The following CCDC158 variants were observed in gnomAD, a reference collection of about 807,000 sequenced individuals.
The protein encoded by CCDC158 is coiled-coil domain containing 158, also known as coiled-coil domain-containing protein 158.
Under a neutral mutation model 138.6 loss-of-function variants are expected in CCDC158, and 116 were observed. That is an observed-to-expected ratio of 0.84 (90% CI 0.72 to 0.98). The LOEUF is 0.98. Ranked by LOEUF, CCDC158 falls within the 50% of genes least tolerant of loss-of-function variation. The pLI, the probability that CCDC158 is intolerant of heterozygous loss-of-function variation, is 0.00. For missense variants in CCDC158, 1,265 were observed against 1,306.1 expected, an observed-to-expected ratio of 0.97 and a Z score of 0.48; for synonymous variants, 436 against 442.4, an observed-to-expected ratio of 0.99 and a Z score of 0.18.
At chr4:76,370,351 A>G in intron 10 of CCDC158, among the ~76,000 whole-genome samples, 1 of 152,216 alleles carries the variant, frequency 6.6e-6, no homozygotes, top group Non-Finnish European at 1.5e-5. Context: ...AAGAAGGGAC[A>G]GGAAAGGGGC....
At chr4:76,359,186 C>T (rs1723882573) in intron 13 of CCDC158, among the ~76,000 whole-genome samples, 1 of 152,150 alleles carries the variant, frequency 6.6e-6, no homozygotes, top group South Asian at 2.1e-4. Flanking sequence ...TCTGAGACCT[C>T]CCAGCCATGC....
intron 18 of CCDC158, among the ~76,000 whole-genome samples, chr4:76,347,335 C>T (rs902983384): frequency 6.6e-6 from 1 of 151,974 alleles, no homozygotes; most frequent in Non-Finnish European, 1.5e-5. Context: ...TCCAGTCTAT[C>T]CAGGCACATG....
rs772489343 is a variant in CCDC158, at chr4:76,313,240, G to A, written c.3284C>T (p.Ser1095Phe). Residue 1095 changes from serine (S) to phenylalanine (F), a missense_variant, in exon 25 of 25, where the codon TCT becomes TTT. Coordinates refer to ENST00000682701, the MANE Select transcript of CCDC158 (RefSeq NM_001394954.1). ...EDLQLKNQAMSSMIRNQEKRI... is the reference protein window; with the variant it reads ...EDLQLKNQAMFSMIRNQEKRI... Reference sequence around the variant, plus strand: ...CTTTTCTTGATTTCTGATCATTGAAGACATTGCTGAAAATGTTGATAAAAC... The same window carrying A: ...CTTTTCTTGATTTCTGATCATTGAAAACATTGCTGAAAATGTTGATAAAAC... The A allele has an allele frequency of 6.3e-7, 1 of 1,595,690 alleles. No homozygotes were observed.
At chr4:76,374,680 T>C (rs1725556482) in intron 9 of CCDC158, among the ~76,000 whole-genome samples, 1 of 152,224 alleles carries the variant, frequency 6.6e-6, no homozygotes, top group South Asian at 2.1e-4. Context: ...ATTAATCATA[T>C]GATTAAAATA....
At chr4:76,313,786 C>T (rs1213159465) in intron 24 of CCDC158, among the ~76,000 whole-genome samples, 2 of 152,196 alleles carry the variant, frequency 1.3e-5, no homozygotes, top group Admixed American at 6.5e-5. Context: ...TGAATGTGCA[C>T]ATGTTTTATT....
intron 4 of CCDC158, among the ~76,000 whole-genome samples, chr4:76,389,445 A>G (rs1727112338): frequency 6.6e-6 from 1 of 152,112 alleles, no homozygotes; most frequent in Non-Finnish European, 1.5e-5. Context: ...AAAGAAAACA[A>G]TGAAGCACAC....
chr4:76,373,319 TTAAG>T (rs1179898321), intron 9 of CCDC158, among the ~76,000 whole-genome samples: 2 of 152,358 alleles, frequency 1.3e-5, no homozygotes, highest in African/African-American at 2.4e-5. Flanking sequence ...TATCTTAACT[TTAAG>T]TAGGTATCTA....
At chr4:76,342,633 A>G (rs1722165266) in intron 18 of CCDC158, among the ~76,000 whole-genome samples, 1 of 152,200 alleles carries the variant, frequency 6.6e-6, no homozygotes, top group African/African-American at 2.4e-5. Flanking sequence ...CTTGGCATTA[A>G]TTTCTGTACT....
chr4:76,322,378 T>C (rs945313875), intron 24 of CCDC158, among the ~76,000 whole-genome samples: 4 of 152,176 alleles, frequency 2.6e-5, no homozygotes, highest in Admixed American at 6.5e-5. Flanking sequence ...GACTGTTCTT[T>C]TATCTTCAGT....
chr4:76,341,440 A>G (rs1339334074), intron 18 of CCDC158, among the ~76,000 whole-genome samples: 1 of 152,240 alleles, frequency 6.6e-6, no homozygotes, highest in Non-Finnish European at 1.5e-5. Flanking sequence ...TTTACATAAT[A>G]TATTAGGAAT....
intron 3 of CCDC158, among the ~76,000 whole-genome samples, chr4:76,400,608 C>CA (rs1196196672): frequency 2.0e-5 from 3 of 148,440 alleles, no homozygotes. Flanking sequence ...ACCACCCCCC[C>CA]AAAAAAAAGA....
chr4:76,420,261 G>A (rs1338168869), intron 1 of CCDC158, among the ~76,000 whole-genome samples: 2 of 151,954 alleles, frequency 1.3e-5, no homozygotes, highest in African/African-American at 2.4e-5. Flanking sequence ...ACACGCCCCC[G>A]CCATACCCGG....
chr4:76,375,330 T>C (rs2110272759), intron 9 of CCDC158: 1 of 415,422 alleles, frequency 2.4e-6, no homozygotes, highest in Non-Finnish European at 4.2e-6. Flanking sequence ...TTGCCAATCA[T>C]ATCAAATCAC....
At chr4:76,351,924 A>G in intron 16 of CCDC158, 112 bp from the exon 17 acceptor site, 2 of 648,764 alleles carry the variant, frequency 3.1e-6, no homozygotes, top group Non-Finnish European at 5.5e-6. Context: ...CTGCCCTTCT[A>G]CCAAACTATA....
At chr4:76,351,589 T>A (rs1723044481) in intron 17 of CCDC158, 131 bp downstream of exon 17, 1 of 628,016 alleles carries the variant, frequency 1.6e-6, no homozygotes. Context: ...ACACATCTTA[T>A]CATTGCTATT....
rs201598443 is a variant in CCDC158, at chr4:76,351,004, G to A, written c.2656C>T (p.Leu886=). Residue 886 remains leucine, a synonymous_variant, in exon 18 of 25, where the codon CTG becomes TTG. Transcript: ENST00000682701. ...VPSSQSTASF[L]SHHSTKANTL... ...TAAGACTGGTTACTTACATGAGACA[G>A]GAAGCTGGCTGTAGACTGCGAAGAT... 25 of 1,613,540 alleles carry A rather than the reference G, an allele frequency of 1.5e-5. No individual in the cohort carries two copies. The highest frequency in any genetic ancestry group is 3.3e-5 in the Admixed American group (2 of 59,962).
chr4:76,371,613 C>T (rs1579004330), intron 9 of CCDC158, 77 bp from the exon 10 acceptor site: 4 of 1,522,752 alleles, frequency 2.6e-6, no homozygotes, highest in Admixed American at 1.8e-5. Context: ...CTTTGGAAAA[C>T]AAATGGTATT....
At chr4:76,344,154 A>C (rs1722321900) in intron 18 of CCDC158, among the ~76,000 whole-genome samples, 1 of 152,220 alleles carries the variant, frequency 6.6e-6, no homozygotes, top group Admixed American at 6.5e-5. Context: ...ACTTCAGCAA[A>C]GTCTCAGGAT....
chr4:76,383,550 TA>T (rs1304942181), intron 7 of CCDC158, 111 bp downstream of exon 7: 5 of 730,370 alleles, frequency 6.8e-6, no homozygotes, highest in African/African-American at 3.6e-5. Context: ...TATAAACCTA[TA>T]AAAAAACTTA....
Sources: gnomAD v4.1 joint callset for allele counts (sites outside exome capture counted in the v4.1 genomes callset) on GRCh38, gnomAD v4.1.1 for gene constraint, MANE v1.5 for transcripts, NCBI Gene and HGNC (gene_info 2026-07-23, HGNC 2026-07-21) for gene names.